ENTREP2: variants seen among roughly 807,000 people sequenced by gnomAD.
ENTREP2 encodes protein ENTREP2.
chr15:29,453,417 T>G, the ENTREP2 span, among the ~76,000 whole-genome samples: 1 of 152,228 alleles, frequency 6.6e-6, no homozygotes, highest in Non-Finnish European at 1.5e-5. Context: ...CTTTTGGCCC[T>G]GATATTAAAA....
chr15:29,334,371 C>A, the ENTREP2 span, among the ~76,000 whole-genome samples: 2 of 152,114 alleles, frequency 1.3e-5, no homozygotes, highest in Admixed American at 6.5e-5. Context: ...CAACCCAGGG[C>A]AGGCAGAACA....
the ENTREP2 span, among the ~76,000 whole-genome samples, chr15:29,352,003 T>TAA: frequency 6.6e-6 from 1 of 152,018 alleles, no homozygotes; most frequent in Non-Finnish European, 1.5e-5. Flanking sequence ...GGCACAATCA[T>TAA]AACTAACTAT....
the ENTREP2 span, among the ~76,000 whole-genome samples, chr15:29,506,997 G>A: frequency 6.6e-6 from 1 of 152,068 alleles, no homozygotes; most frequent in Non-Finnish European, 1.5e-5. Context: ...TCCATGTGCT[G>A]TATTTAGGAG....
the ENTREP2 span, among the ~76,000 whole-genome samples, chr15:29,557,352 C>G: frequency 6.6e-6 from 1 of 152,172 alleles, no homozygotes; most frequent in African/African-American, 2.4e-5. Context: ...TCTCTGACAG[C>G]CCAAAGCGCA....
the ENTREP2 span, among the ~76,000 whole-genome samples, chr15:29,642,564 CTATATACTATA>C: frequency 2.0e-3 from 297 of 145,062 alleles, no homozygotes; most frequent in South Asian, 0.019. Flanking sequence ...CATATATATA[CTATATACTATA>C]TATATACTAT....
the ENTREP2 span, among the ~76,000 whole-genome samples, chr15:29,501,416 C>G: frequency 6.6e-6 from 1 of 152,048 alleles, no homozygotes; most frequent in Non-Finnish European, 1.5e-5. Flanking sequence ...CATAAACCCA[C>G]ATGATCATCT....
At chr15:29,612,568 C>T in the ENTREP2 span, 1 of 153,578 alleles carries the variant, frequency 6.5e-6, no homozygotes, top group Admixed American at 6.6e-5. Context: ...TAAATGTTAA[C>T]CATGGAGGAA....
chr15:29,634,975 G>C, the ENTREP2 span, among the ~76,000 whole-genome samples: 1 of 152,146 alleles, frequency 6.6e-6, no homozygotes, highest in African/African-American at 2.4e-5. Flanking sequence ...CTCCCGAGTA[G>C]CTGGGACTAC....
chr15:29,522,031 T>C, the ENTREP2 span, among the ~76,000 whole-genome samples: 29 of 152,326 alleles, frequency 1.9e-4, no homozygotes, highest in Admixed American at 1.8e-3. Flanking sequence ...GAGGAAAGGA[T>C]AGTCTTTTCA....
chr15:29,189,595 C>A, the ENTREP2 span, among the ~76,000 whole-genome samples: 8 of 152,054 alleles, frequency 5.3e-5, no homozygotes, highest in African/African-American at 1.9e-4. Flanking sequence ...AGAATAAGAT[C>A]TTTAACTTTG....
chr15:29,440,933 A>G, the ENTREP2 span, among the ~76,000 whole-genome samples: 1 of 152,178 alleles, frequency 6.6e-6, no homozygotes. Flanking sequence ...AACATTAAAC[A>G]CAGAATGACC....
the ENTREP2 span, among the ~76,000 whole-genome samples, chr15:29,128,620 G>T: frequency 6.6e-6 from 1 of 151,996 alleles, no homozygotes; most frequent in African/African-American, 2.4e-5. Context: ...GGATATACAG[G>T]GTATTTAATG....
chr15:29,487,778 C>CACCT, the ENTREP2 span, among the ~76,000 whole-genome samples: 2 of 152,198 alleles, frequency 1.3e-5, no homozygotes, highest in Admixed American at 1.3e-4. Context: ...CTGCAACCTC[C>CACCT]ACCTCCTGGA....
chr15:29,634,845 A>G, the ENTREP2 span, among the ~76,000 whole-genome samples: 1 of 152,164 alleles, frequency 6.6e-6, no homozygotes, highest in Non-Finnish European at 1.5e-5. Flanking sequence ...AAGGACACAA[A>G]TGAAGAGATG....
At chr15:29,229,576 T>G in the ENTREP2 span, among the ~76,000 whole-genome samples, 1 of 152,214 alleles carries the variant, frequency 6.6e-6, no homozygotes, top group Non-Finnish European at 1.5e-5. Context: ...GCAATCACGT[T>G]GCCAAATGTG....
chr15:29,269,190 G>C, the ENTREP2 span: 1 of 1,614,174 alleles, frequency 6.2e-7, no homozygotes, highest in Non-Finnish European at 8.5e-7. Flanking sequence ...TAGTGGGCGT[G>C]CCTTGGTCAC....
the ENTREP2 span, chr15:29,610,232 C>T: frequency 6.6e-6 from 1 of 150,684 alleles, no homozygotes; most frequent in African/African-American, 2.4e-5. Context: ...TTTGTCTACA[C>T]CTAGAAAAAC....
chr15:29,515,053 T>C, the ENTREP2 span, among the ~76,000 whole-genome samples: 1 of 152,174 alleles, frequency 6.6e-6, no homozygotes, highest in Non-Finnish European at 1.5e-5. Context: ...TTCTTCAAAG[T>C]TCTGGAAAGA....
chr15:29,561,580 C>T, the ENTREP2 span, among the ~76,000 whole-genome samples: 2 of 151,852 alleles, frequency 1.3e-5, no homozygotes, highest in South Asian at 2.1e-4. Context: ...CCCAGCTACT[C>T]GGGAGGCTGA....
Sources: gnomAD v4.1 joint callset for allele counts (sites outside exome capture counted in the v4.1 genomes callset) on GRCh38, gnomAD v4.1.1 for gene constraint, MANE v1.5 for transcripts, NCBI Gene and HGNC (gene_info 2026-07-23, HGNC 2026-07-21) for gene names.